Variants in PTPRO observed in about 807,000 individuals in gnomAD.
PTPRO encodes protein tyrosine phosphatase receptor type O.
PTPRO carries 62 observed loss-of-function variants against 145.2 expected under a neutral mutation model. The ratio of observed to expected loss-of-function variants is 0.43; its 90% confidence interval spans 0.35 to 0.53. PTPRO has a LOEUF of 0.53. Ranked by LOEUF, PTPRO falls within the 20% of genes least tolerant of loss-of-function variation. The pLI, the probability that PTPRO is intolerant of heterozygous loss-of-function variation, is 0.01. For synonymous variants in PTPRO, 565 were observed against 514.7 expected (o/e 1.10, Z -1.32); for missense variants, 1,345 against 1,482.7 (o/e 0.91, Z 1.53).
At chr12:15,365,841 G>T (rs1440143786) in intron 1 of PTPRO, among the ~76,000 whole-genome samples, 1 of 152,038 alleles carries the variant, frequency 6.6e-6, no homozygotes, top group East Asian at 1.9e-4. Flanking sequence ...GGCTATGAAG[G>T]GCAGTGCTTG....
chr12:15,471,389 T>C (rs1941537830), intron 1 of PTPRO, among the ~76,000 whole-genome samples: 1 of 152,054 alleles, frequency 6.6e-6, no homozygotes, highest in Admixed American at 6.5e-5. Context: ...AGACTGAGCA[T>C]GCAATAGGCT....
At chr12:15,366,810 A>G (rs1233908036) in intron 1 of PTPRO, among the ~76,000 whole-genome samples, 2 of 152,172 alleles carry the variant, frequency 1.3e-5, no homozygotes. Context: ...TAAACAAATA[A>G]ATGTCAAATC....
At chr12:15,416,883 T>A (rs1489409753) in intron 1 of PTPRO, among the ~76,000 whole-genome samples, 2 of 151,674 alleles carry the variant, frequency 1.3e-5, no homozygotes, top group South Asian at 4.1e-4. Context: ...CAGAGACAAA[T>A]AGTAATAATA....
intron 12 of PTPRO, among the ~76,000 whole-genome samples, chr12:15,534,391 A>G (rs1166165558): frequency 2.6e-5 from 4 of 152,190 alleles, no homozygotes; most frequent in Admixed American, 2.0e-4. Flanking sequence ...CATTTAACTA[A>G]TATATATTAA....
At chr12:15,344,843 G>T (rs573200591) in intron 1 of PTPRO, among the ~76,000 whole-genome samples, 1 of 152,148 alleles carries the variant, frequency 6.6e-6, no homozygotes. Context: ...GTTCCTGCTC[G>T]GGAAGAACTC....
intron 1 of PTPRO, among the ~76,000 whole-genome samples, chr12:15,354,507 T>C (rs2136234941): frequency 6.6e-6 from 1 of 152,316 alleles, no homozygotes; most frequent in Non-Finnish European, 1.5e-5. Context: ...TATAGTTTTC[T>C]CATAAATGCA....
rs147242896 is a variant in PTPRO at position 15,521,965 on chromosome 12, A to G, written c.1891+1653A>G. Among the ~76,000 whole-genome samples, 18 of 152,284 alleles carry G rather than the reference A, an allele frequency of 1.2e-4. 1 individual carries two copies. The highest frequency in any genetic ancestry group is 4.3e-4 in the African/African-American group (18 of 41,548). On this transcript the variant is annotated intron_variant, in intron 10 of 26. Coordinates refer to ENST00000281171, the MANE Select transcript of PTPRO (RefSeq NM_030667.3). Reference sequence around the variant, plus strand: ...CCTGGTAAGCAGTCTGTTGTCACCAATGTATTGATGTTGATGATTTTCTAT... The same window carrying G: ...CCTGGTAAGCAGTCTGTTGTCACCAGTGTATTGATGTTGATGATTTTCTAT...
intron 1 of PTPRO, among the ~76,000 whole-genome samples, chr12:15,390,788 G>C (rs907825234): frequency 1.2e-4 from 18 of 152,212 alleles, no homozygotes; most frequent in African/African-American, 4.3e-4. Context: ...ATAAGAAATG[G>C]CCAATATACC....
intron 18 of PTPRO, among the ~76,000 whole-genome samples, chr12:15,569,102 T>G (rs1943976691): frequency 6.6e-6 from 1 of 151,854 alleles, no homozygotes; most frequent in African/African-American, 2.4e-5. Flanking sequence ...TATGCCAGAG[T>G]TTTTTAGAAG....
chr12:15,526,240 C>T lies in PTPRO; in HGVS notation c.2142C>T (p.Ser714=), dbSNP rs956511489. The change falls in exon 12 of 27, where the codon TCC becomes TCT. Residue 714 remains serine (S), a synonymous_variant. Transcript: ENST00000281171. The part of the protein sequence containing the change: ...TACTERGSNT[S]MLRLVKLEPA... The stretch of plus-strand genomic sequence containing the variant: ...GTACTGAAAGAGGAAGTAATACCTC[C>T]ATGCTCCGCCTTGTCAAGCTAGGTA... 3.7e-6 allele frequency: 6 copies of T among 1,613,866 alleles called. No individual in the cohort carries two copies. Among genetic ancestry groups the T allele is most frequent in the Non-Finnish European group, 3.4e-6 (4 of 1,179,924 alleles).
chr12:15,557,319 C>G, intron 15 of PTPRO, 136 bp from the exon 16 acceptor site: 2 of 816,912 alleles, frequency 2.4e-6, no homozygotes, highest in Non-Finnish European at 4.1e-6. Flanking sequence ...CGTGAGCCAC[C>G]GCACCTGGCC....
At chr12:15,414,315 C>T (rs966371173) in intron 1 of PTPRO, among the ~76,000 whole-genome samples, 5 of 152,208 alleles carry the variant, frequency 3.3e-5, no homozygotes, top group Admixed American at 2.6e-4. Context: ...GATACTAACA[C>T]TGCTGTTCTG....
chr12:15,578,734 T>C, intron 19 of PTPRO, 119 bp from the exon 20 acceptor site: 1 of 783,552 alleles, frequency 1.3e-6, no homozygotes, highest in East Asian at 2.6e-5. Flanking sequence ...ACCTTCCACC[T>C]CTAAAGGGAG....
At chr12:15,440,676 C>T (rs779768842) in intron 1 of PTPRO, among the ~76,000 whole-genome samples, 1 of 152,094 alleles carries the variant, frequency 6.6e-6, no homozygotes, top group Non-Finnish European at 1.5e-5. Context: ...GCCTGGACAA[C>T]ATAGGAAGGC....
intron 1 of PTPRO, among the ~76,000 whole-genome samples, chr12:15,417,678 T>G (rs1940020526): frequency 6.6e-6 from 1 of 151,726 alleles, no homozygotes; most frequent in African/African-American, 2.4e-5. Flanking sequence ...CATTAAGTAT[T>G]GATCACACTC....
chr12:15,408,585 G>T (rs79892382), intron 1 of PTPRO, among the ~76,000 whole-genome samples: 1 of 151,936 alleles, frequency 6.6e-6, no homozygotes, highest in Non-Finnish European at 1.5e-5. Context: ...CCACCACCAC[G>T]CTTGGCTAAT....
chr12:15,564,471 C>T (rs1162712589), intron 17 of PTPRO, among the ~76,000 whole-genome samples: 3 of 152,126 alleles, frequency 2.0e-5, no homozygotes, highest in Admixed American at 1.3e-4. Context: ...TATGCTCAGC[C>T]CTGGGGGGAA....
intron 1 of PTPRO, among the ~76,000 whole-genome samples, chr12:15,461,200 T>G (rs1015200305): frequency 9.2e-5 from 14 of 152,314 alleles, no homozygotes; most frequent in Non-Finnish European, 1.8e-4. Flanking sequence ...AGACATTTCT[T>G]TCTATTGATC....
At position 15,484,529 on chromosome 12, in the gene PTPRO, T is replaced by A. The variant is rs888476709; in HGVS notation, c.349+282T>A. 2.6e-5 allele frequency among the ~76,000 whole-genome samples: 4 copies of A among 152,256 alleles called. No individual in the cohort carries two copies. The East Asian group carries it at 7.7e-4, about 29-fold the overall frequency. On this transcript the variant is annotated intron_variant, in intron 2 of 26. Coordinates refer to ENST00000281171, the MANE Select transcript of PTPRO (RefSeq NM_030667.3). ...CAATTTCAAATTCATGATTGGACCA[T>A]GTAATTTTCTGCTATGTTGCTTAAT...
Sources: allele counts gnomAD v4.1 joint callset (sites outside exome capture counted in the v4.1 genomes callset), GRCh38; gene constraint gnomAD v4.1.1; transcripts MANE v1.5; gene names NCBI Gene and HGNC (gene_info 2026-07-23, HGNC 2026-07-21).